Variants in IMMP2L observed in about 807,000 individuals in gnomAD.
The protein encoded by IMMP2L is mitochondrial inner membrane protease subunit 2.
IMMP2L carries 18 observed loss-of-function variants against 19.3 expected under a neutral mutation model. The observed-to-expected ratio is 0.93, with a 90% CI of 0.64 to 1.38. The LOEUF is 1.38. IMMP2L is among the 40% of genes most tolerant of loss of function. The pLI, the probability that IMMP2L is intolerant of heterozygous loss-of-function variation, is 0.00. For missense variants in IMMP2L, 233 were observed against 218.2 expected (o/e 1.07, Z -0.43); for synonymous variants, 76 against 73.0 (o/e 1.04, Z -0.21).
chr7:111,087,252 A>G (rs768497195), intron 3 of IMMP2L, among the ~76,000 whole-genome samples: 1 of 152,142 alleles, frequency 6.6e-6, no homozygotes, highest in Non-Finnish European at 1.5e-5. Context: ...GATCGAGACC[A>G]TCATGGATAA....
rs910224832 is a variant in IMMP2L at position 111,499,989 on chromosome 7, G to A, written c.136-12648C>T. Reference sequence around the variant, plus strand: ...AGTGGGTGCAGAGCACCAGGCACAAGCCAAAGCAGGGTGAGGCATTGCCTC... The same window carrying A: ...AGTGGGTGCAGAGCACCAGGCACAAACCAAAGCAGGGTGAGGCATTGCCTC... On this transcript the variant is annotated intron_variant, in intron 2 of 5. Transcript: ENST00000405709. Among the ~76,000 whole-genome samples the A allele has an allele frequency of 2.0e-5, 3 of 152,300 alleles. 1 individual carries two copies. Among genetic ancestry groups the A allele is most frequent in the Middle Eastern group, 6.8e-3 (2 of 294 alleles).
chr7:111,499,368 T>G (rs545228144), intron 2 of IMMP2L, among the ~76,000 whole-genome samples: 1 of 152,222 alleles, frequency 6.6e-6, no homozygotes, highest in African/African-American at 2.4e-5. Flanking sequence ...ATGAATCATA[T>G]CCCTCACATA....
intron 5 of IMMP2L, among the ~76,000 whole-genome samples, chr7:110,669,206 C>T (rs1404881423): frequency 6.6e-6 from 1 of 151,886 alleles, no homozygotes; most frequent in Non-Finnish European, 1.5e-5. Context: ...GGAGGTCAGC[C>T]GACTGGAGAC....
Position 110,683,767 on chromosome 7 carries a change from A to G in IMMP2L, c.409-20046T>C, listed in dbSNP as rs535198794. On this transcript the variant is annotated intron_variant, in intron 5 of 5. Coordinates refer to ENST00000405709, the MANE Select transcript of IMMP2L (RefSeq NM_032549.4). ...AATATATAGACTTCATTGTTGTTAC[A>G]TTAGGAAAAGTTAAGTTAATGGAGT... 2.6e-5 allele frequency among the ~76,000 whole-genome samples: 4 copies of G among 152,244 alleles called. No individual in the cohort carries two copies. The East Asian group carries it at 7.7e-4, about 29-fold the overall frequency.
intron 5 of IMMP2L, among the ~76,000 whole-genome samples, chr7:110,775,399 T>C (rs544439541): frequency 1.4e-4 from 21 of 152,128 alleles, no homozygotes; most frequent in Non-Finnish European, 2.4e-4. Flanking sequence ...AGAAAAATTC[T>C]ATTTAAATTC....
intron 1 of IMMP2L, among the ~76,000 whole-genome samples, chr7:111,545,930 T>C (rs1848892479): frequency 6.6e-6 from 1 of 152,144 alleles, no homozygotes; most frequent in South Asian, 2.1e-4. Context: ...CCTCCAGAAA[T>C]ATTCTATGCC....
intron 4 of IMMP2L, among the ~76,000 whole-genome samples, chr7:110,949,109 A>C (rs1213108740): frequency 6.6e-6 from 1 of 152,136 alleles, no homozygotes; most frequent in African/African-American, 2.4e-5. Context: ...TGGGCACTTC[A>C]GGGTCTCCAG....
chr7:110,759,015 C>G (rs1290440313), intron 5 of IMMP2L, among the ~76,000 whole-genome samples: 1 of 152,098 alleles, frequency 6.6e-6, no homozygotes, highest in Non-Finnish European at 1.5e-5. Context: ...TATTTAGTCT[C>G]TATGCCTTAA....
intron 5 of IMMP2L, among the ~76,000 whole-genome samples, chr7:110,766,189 T>A (rs1798649125): frequency 6.6e-6 from 1 of 152,238 alleles, no homozygotes; most frequent in South Asian, 2.1e-4. Flanking sequence ...TTAAATAGTT[T>A]AATTGGTGAA....
At chr7:111,390,127 T>C (rs527602062) in intron 3 of IMMP2L, among the ~76,000 whole-genome samples, 3 of 152,266 alleles carry the variant, frequency 2.0e-5, no homozygotes, top group Admixed American at 6.5e-5. Context: ...GTGCAGTCAG[T>C]AGACAGCCGC....
intron 3 of IMMP2L, among the ~76,000 whole-genome samples, chr7:111,238,359 G>C (rs537062028): frequency 6.6e-6 from 1 of 152,156 alleles, no homozygotes; most frequent in African/African-American, 2.4e-5. Context: ...CTTTGGGCAA[G>C]TTACTTGACC....
chr7:111,104,532 T>A (rs947102608), intron 3 of IMMP2L, among the ~76,000 whole-genome samples: 1 of 151,820 alleles, frequency 6.6e-6, no homozygotes, highest in Non-Finnish European at 1.5e-5. Context: ...GAGGGGACAT[T>A]ATATGTGAAA....
chr7:110,674,247 T>G (rs1366647312), intron 5 of IMMP2L, among the ~76,000 whole-genome samples: 1 of 152,126 alleles, frequency 6.6e-6, no homozygotes, highest in Non-Finnish European at 1.5e-5. Context: ...CCATGAGAAC[T>G]CAGTCACTAT....
chr7:110,962,764 T>C (rs1563115373), intron 4 of IMMP2L: 2 of 1,113,606 alleles, frequency 1.8e-6, no homozygotes, highest in South Asian at 8.0e-5. Context: ...CTATCATTAA[T>C]ACAAATACTT....
intron 5 of IMMP2L, among the ~76,000 whole-genome samples, chr7:110,736,349 A>T (rs1796633610): frequency 6.6e-6 from 1 of 152,194 alleles, no homozygotes; most frequent in South Asian, 2.1e-4. Context: ...CAGGGGAGCT[A>T]TAGGGCTGGG....
At chr7:111,525,269 T>C (rs900268148) in intron 1 of IMMP2L, among the ~76,000 whole-genome samples, 6 of 151,718 alleles carry the variant, frequency 4.0e-5, no homozygotes, top group East Asian at 1.9e-4. Flanking sequence ...GGGTCAGGAG[T>C]GGCCATGTTG....
At chr7:111,368,457 A>G (rs948320953) in intron 3 of IMMP2L, among the ~76,000 whole-genome samples, 3 of 151,972 alleles carry the variant, frequency 2.0e-5, no homozygotes, top group Non-Finnish European at 1.5e-5. Context: ...AGCAGAATCA[A>G]TGCACATACC....
chr7:111,284,671 T>C (rs891063193), intron 3 of IMMP2L, among the ~76,000 whole-genome samples: 3 of 152,048 alleles, frequency 2.0e-5, no homozygotes, highest in Non-Finnish European at 1.5e-5. Flanking sequence ...TAAGAAAGGT[T>C]GCAGGCACTG....
At chr7:111,057,177 G>T (rs1793591661) in intron 3 of IMMP2L, among the ~76,000 whole-genome samples, 1 of 151,982 alleles carries the variant, frequency 6.6e-6, no homozygotes, top group Non-Finnish European at 1.5e-5. Context: ...CTCCTTCTCT[G>T]CATTTTTTAG....
Sources: gnomAD v4.1 joint callset for allele counts (sites outside exome capture counted in the v4.1 genomes callset) on GRCh38, gnomAD v4.1.1 for gene constraint, MANE v1.5 for transcripts, NCBI Gene and HGNC (gene_info 2026-07-23, HGNC 2026-07-21) for gene names.